Variants in ZBBX observed in about 807,000 individuals in gnomAD.
ZBBX encodes the protein zinc finger B-box domain containing.
Under a neutral mutation model 108.5 loss-of-function variants are expected in ZBBX, and 101 were observed. The ratio of observed to expected loss-of-function variants is 0.93; its 90% confidence interval spans 0.79 to 1.10. ZBBX has a LOEUF of 1.10. Ranked by LOEUF, ZBBX falls within the 50% of genes least tolerant of loss-of-function variation. ZBBX has a pLI of 0.00. For missense variants in ZBBX, 1,009 were observed against 941.4 expected (o/e 1.07, Z -0.94); for synonymous variants, 356 against 323.4 (o/e 1.10, Z -1.08).
At chr3:167,348,413 G>C (rs910766566) in intron 9 of ZBBX, among the ~76,000 whole-genome samples, 1 of 108,934 alleles carries the variant, frequency 9.2e-6, no homozygotes, top group Non-Finnish European at 1.9e-5. Context: ...AGAGGAGAGA[G>C]AGAAAGAGAA....
intron 15 of ZBBX, among the ~76,000 whole-genome samples, chr3:167,315,501 T>C (rs1735290093): frequency 6.6e-6 from 1 of 152,176 alleles, no homozygotes; most frequent in South Asian, 2.1e-4. Context: ...CAGAAGAATG[T>C]ATTAAATAAT....
chr3:167,329,794 G>T (rs906573729), intron 10 of ZBBX, among the ~76,000 whole-genome samples: 3 of 152,166 alleles, frequency 2.0e-5, no homozygotes, highest in African/African-American at 7.2e-5. Flanking sequence ...CTGCTGCACA[G>T]AGGAGCTTAA....
At chr3:167,346,730 T>G (rs940251371) in intron 9 of ZBBX, among the ~76,000 whole-genome samples, 2 of 151,968 alleles carry the variant, frequency 1.3e-5, no homozygotes, top group African/African-American at 4.8e-5. Flanking sequence ...CAAGATTGGT[T>G]AGTGAGAGCT....
At position 167,368,482 on chromosome 3, in the gene ZBBX, T is replaced by C. The variant is rs1745677754; in HGVS notation, c.161A>G (p.Asn54Ser). 6.2e-7 allele frequency: 1 copy of C among 1,611,914 alleles called. No homozygotes were observed. Among genetic ancestry groups the C allele is most frequent in the African/African-American group, 1.3e-5 (1 of 74,956 alleles). The stretch of plus-strand genomic sequence containing the variant: ...TCACTCTCTATCTTCCTTTTCTTTG[T>C]TTCTTGTGGATCGGAATTCTTGCAG... ...KKLQEFRSTRNKEKEDRESSE... is the reference protein window; with the variant it reads ...KKLQEFRSTRSKEKEDRESSE... The change falls in exon 5 of 22, where the codon AAC (asparagine) becomes AGC (serine). Residue 54 changes from asparagine (N) to serine (S), a missense_variant. Physicochemically the swap from Asn to Ser is conservative, Grantham distance 46. Coordinates refer to ENST00000675490, the MANE Select transcript of ZBBX (RefSeq NM_001199201.2).
rs1181251172 is a variant in ZBBX at position 167,350,428 on chromosome 3, G to C, written c.520C>G (p.Leu174Val). ...ATTTTAGAAAGCCATACCTGCAAAAGAGTTGTTCTGTGGAGCTTTAGTGCC... is the reference window on the plus strand; with the variant it reads ...ATTTTAGAAAGCCATACCTGCAAAACAGTTGTTCTGTGGAGCTTTAGTGCC... The part of the protein sequence containing the change: ...KGALKLHRTT[L>V]LQAKSQILFN... The change falls in exon 9 of 22, where the codon CTT (leucine) becomes GTT (valine). Residue 174 changes from leucine to valine, a missense_variant. By Grantham distance (32) the Leu-to-Val change is conservative (BLOSUM62 1). Coordinates refer to ENST00000675490, the MANE Select transcript of ZBBX (RefSeq NM_001199201.2). The C allele has an allele frequency of 5.0e-6, 8 of 1,591,514 alleles. No homozygotes were observed. Among genetic ancestry groups the C allele is most frequent in the Non-Finnish European group, 6.9e-6 (8 of 1,166,552 alleles).
At chr3:167,352,004 C>T (rs1449818160) in intron 8 of ZBBX, among the ~76,000 whole-genome samples, 4 of 152,080 alleles carry the variant, frequency 2.6e-5, no homozygotes, top group African/African-American at 7.2e-5. Context: ...GATCAGTCCA[C>T]CCCTCCTTAT....
In ZBBX at chr3:167,339,650, GGTTT is replaced by G. The variant is rs760586700; in HGVS notation, c.529-5669_529-5666del. Among the ~76,000 whole-genome samples the G allele has an allele frequency of 5.9e-5, 9 of 152,110 alleles. No individual in the cohort carries two copies. The South Asian group carries it at 8.3e-4, about 14-fold the overall frequency. ...GTGGGCAATTTTCCAAATGAGAAAT[GGTTT>G]GTTTGTTTTGTTTTTATTTTAAGTT... On this transcript the variant is annotated intron_variant, in intron 9 of 21. Transcript: ENST00000675490.
intron 16 of ZBBX, 114 bp downstream of exon 16, chr3:167,313,860 G>T: frequency 4.4e-6 from 4 of 916,592 alleles, no homozygotes; most frequent in Non-Finnish European, 4.6e-6. Context: ...TTTCATTTTA[G>T]TACTGAGGTT....
Position 167,298,453 on chromosome 3 carries a change from TAAC to T in ZBBX, c.1728_1730del (p.Leu577del). ...GCTTACTTCTGCAGGCTATTTCTTG[TAAC>T]AACTAAGAAACAAAATATTCAACAA... On this transcript the variant is annotated inframe_deletion and splice_region_variant, in exon 18 of 22. Transcript: ENST00000675490. 6.7e-7 allele frequency: 1 copy of T among 1,491,840 alleles called. No homozygotes were observed. The highest frequency in any genetic ancestry group is 9.0e-7 in the Non-Finnish European group (1 of 1,112,072). 92.4% of individuals were successfully genotyped at this position (1,491,840 alleles called of 1,614,324 possible).
rs771995098 is a variant in ZBBX, at chr3:167,314,106, G to T, written c.1285C>A (p.His429Asn). 22 of 1,583,794 alleles carry T rather than the reference G, an allele frequency of 1.4e-5. No homozygotes were observed. The change falls in exon 16 of 22, where the codon CAT becomes AAT. Residue 429 changes from histidine to asparagine, a missense_variant. Transcript: ENST00000675490. Reference sequence around the variant, plus strand: ...GGAAAGCTATTCTTCTGACAATCATGAAAAGCACAACTTTCACATGTAGGA... The same window carrying T: ...GGAAAGCTATTCTTCTGACAATCATTAAAAGCACAACTTTCACATGTAGGA... ...DADSQRSCAF[H>N]DCQKNSFPYE... is the part of the protein sequence containing the mutation.
intron 16 of ZBBX, among the ~76,000 whole-genome samples, chr3:167,312,950 C>T (rs747847303): frequency 5.3e-5 from 8 of 151,972 alleles, no homozygotes; most frequent in Non-Finnish European, 7.4e-5. Context: ...TCTTCACATA[C>T]GATATATTTA....
the ZBBX span, among the ~76,000 whole-genome samples, chr3:167,196,273 A>G: frequency 6.6e-6 from 1 of 152,212 alleles, no homozygotes; most frequent in African/African-American, 2.4e-5. Context: ...TGTGAAACCA[A>G]TTCTATTTCA....
chr3:167,197,499 C>A, the ZBBX span, among the ~76,000 whole-genome samples: 1 of 151,914 alleles, frequency 6.6e-6, no homozygotes, highest in Admixed American at 6.6e-5. Flanking sequence ...GATTGCACCA[C>A]CACATTCCAG....
intron 18 of ZBBX, among the ~76,000 whole-genome samples, chr3:167,295,515 C>T (rs1731482907): frequency 6.7e-6 from 1 of 150,162 alleles, no homozygotes; most frequent in Non-Finnish European, 1.5e-5. Flanking sequence ...ACATCAAACA[C>T]TGGGGCCTGT....
chr3:167,237,306 C>T (rs1314163968), downstream of ZBBX, among the ~76,000 whole-genome samples: 3 of 151,786 alleles, frequency 2.0e-5, no homozygotes, highest in African/African-American at 4.8e-5. Context: ...AATTTGTCTG[C>T]AGCATGTGCA....
At chr3:167,184,545 C>T in the ZBBX span, among the ~76,000 whole-genome samples, 1 of 152,024 alleles carries the variant, frequency 6.6e-6, no homozygotes, top group Non-Finnish European at 1.5e-5. Context: ...CACATAAAAA[C>T]CTATATATAA....
the ZBBX span, among the ~76,000 whole-genome samples, chr3:167,220,922 A>G: frequency 6.6e-6 from 1 of 151,954 alleles, no homozygotes; most frequent in Non-Finnish European, 1.5e-5. Context: ...TATGCCAACA[A>G]TGAACAATCT....
intron 10 of ZBBX, among the ~76,000 whole-genome samples, chr3:167,329,810 T>G (rs1374714913): frequency 6.6e-6 from 1 of 152,166 alleles, no homozygotes; most frequent in Non-Finnish European, 1.5e-5. Flanking sequence ...CTTAAACCCA[T>G]TGGACATGTA....
chr3:167,353,027 G>A (rs913107216), intron 8 of ZBBX, among the ~76,000 whole-genome samples: 7 of 152,090 alleles, frequency 4.6e-5, no homozygotes, highest in Non-Finnish European at 1.0e-4. Context: ...TACTGAACTG[G>A]GAAGTGTCTA....
Sources: gnomAD v4.1 joint callset for allele counts (sites outside exome capture counted in the v4.1 genomes callset) on GRCh38, gnomAD v4.1.1 for gene constraint, MANE v1.5 for transcripts, NCBI Gene and HGNC (gene_info 2026-07-23, HGNC 2026-07-21) for gene names.